RSU1: variants seen among roughly 807,000 people sequenced by gnomAD.
RSU1 encodes the protein rsu-1.
In RSU1, 26 loss-of-function variants were observed where a neutral mutation model predicts 31.1. The observed-to-expected ratio is 0.84, with a 90% confidence interval of 0.61 to 1.16. RSU1 has a LOEUF of 1.16. RSU1 is among the 50% of genes most tolerant of loss of function. The probability of loss-of-function intolerance (pLI) is 0.00; values close to 1 mark genes in which losing one functional copy is unlikely to be tolerated. For missense variants in RSU1, 320 were observed against 339.1 expected (o/e 0.94, Z 0.44); for synonymous variants, 164 against 136.3 (o/e 1.20, Z -1.41).
chr10:16,693,593 G>T (rs1000088114), intron 8 of RSU1, among the ~76,000 whole-genome samples: 6 of 152,178 alleles, frequency 3.9e-5, no homozygotes, highest in African/African-American at 9.7e-5. Context: ...GCTGGGCATG[G>T]TGGCTCATGA....
At chr10:16,782,182 C>T (rs941915943) in intron 2 of RSU1, 98 bp from the exon 3 acceptor site, 1 of 932,712 alleles carries the variant, frequency 1.1e-6, no homozygotes, top group African/African-American at 1.6e-5. Flanking sequence ...AAGTTATTTT[C>T]ACAGGTTGAA....
At chr10:16,603,194 T>C (rs1833742202) in intron 8 of RSU1, among the ~76,000 whole-genome samples, 1 of 152,144 alleles carries the variant, frequency 6.6e-6, no homozygotes, top group African/African-American at 2.4e-5. Context: ...ACAAATGGCA[T>C]CTATATAAAC....
chr10:16,644,106 G>C (rs577082911), intron 8 of RSU1, among the ~76,000 whole-genome samples: 2 of 145,450 alleles, frequency 1.4e-5, no homozygotes, highest in African/African-American at 2.7e-5. Flanking sequence ...AGAGGGTGGT[G>C]GGGGGGGGTC....
At chr10:16,732,683 T>C (rs1836538958) in intron 7 of RSU1, among the ~76,000 whole-genome samples, 1 of 152,206 alleles carries the variant, frequency 6.6e-6, no homozygotes, top group Admixed American at 6.5e-5. Flanking sequence ...CAAGCCATGA[T>C]GATTTCTGCC....
intron 8 of RSU1, among the ~76,000 whole-genome samples, chr10:16,611,120 T>C (rs921139960): frequency 6.6e-6 from 1 of 152,154 alleles, no homozygotes; most frequent in Non-Finnish European, 1.5e-5. Flanking sequence ...CATGAGGCCC[T>C]CCCTGGGGGC....
intron 2 of RSU1, among the ~76,000 whole-genome samples, chr10:16,807,215 G>A (rs1278657125): frequency 6.6e-6 from 1 of 152,216 alleles, no homozygotes; most frequent in East Asian, 1.9e-4. Flanking sequence ...CTCCTTGCAA[G>A]TAATTGCTTG....
chr10:16,698,885 G>A (rs1223542246), intron 7 of RSU1, among the ~76,000 whole-genome samples: 1 of 152,214 alleles, frequency 6.6e-6, no homozygotes, highest in Non-Finnish European at 1.5e-5. Context: ...GGAGGGTACA[G>A]ATGACTGGGT....
intron 7 of RSU1, among the ~76,000 whole-genome samples, chr10:16,739,220 T>C (rs1836700833): frequency 6.6e-6 from 1 of 152,182 alleles, no homozygotes; most frequent in South Asian, 2.1e-4. Flanking sequence ...CCTTTGGGTA[T>C]ATACCCAGTA....
chr10:16,670,217 G>A (rs767227966), intron 8 of RSU1, among the ~76,000 whole-genome samples: 3 of 152,176 alleles, frequency 2.0e-5, no homozygotes, highest in Admixed American at 6.5e-5. Flanking sequence ...AGAAGAAAGC[G>A]CAGGGGCTAG....
intron 6 of RSU1, 57 bp from the exon 7 acceptor site, chr10:16,752,710 A>C (rs1837004200): frequency 2.3e-6 from 3 of 1,316,798 alleles, no homozygotes; most frequent in Non-Finnish European, 3.3e-6. Context: ...TGCTCCACAG[A>C]AACTCTCATC....
At chr10:16,659,899 G>C (rs1167785703) in intron 8 of RSU1, among the ~76,000 whole-genome samples, 1 of 152,192 alleles carries the variant, frequency 6.6e-6, no homozygotes, top group African/African-American at 2.4e-5. Context: ...AACTGTATCA[G>C]AGGATTCCAA....
intron 7 of RSU1, among the ~76,000 whole-genome samples, chr10:16,730,038 G>C (rs925331088): frequency 2.0e-5 from 3 of 152,340 alleles, no homozygotes; most frequent in African/African-American, 7.2e-5. Context: ...TCTGCTTCTT[G>C]TGAGGGCTTC....
intron 7 of RSU1, among the ~76,000 whole-genome samples, chr10:16,695,753 G>C (rs1835661960): frequency 6.6e-6 from 1 of 152,176 alleles, no homozygotes; most frequent in African/African-American, 2.4e-5. Context: ...TGGAAGGTCA[G>C]ATACTAATAT....
At chr10:16,631,249 T>C (rs755502258) in intron 8 of RSU1, among the ~76,000 whole-genome samples, 26 of 152,092 alleles carry the variant, frequency 1.7e-4, no homozygotes, top group Admixed American at 1.2e-3. Flanking sequence ...ATGTCATCAA[T>C]TGGGGGGACG....
intron 2 of RSU1, among the ~76,000 whole-genome samples, chr10:16,799,598 G>T (rs1390291321): frequency 6.6e-6 from 1 of 151,588 alleles, no homozygotes; most frequent in African/African-American, 2.4e-5. Flanking sequence ...ACCTCTAAGA[G>T]CCCTACCAGG....
intron 8 of RSU1, among the ~76,000 whole-genome samples, chr10:16,636,331 C>T (rs1438424763): frequency 1.3e-5 from 2 of 152,114 alleles, no homozygotes; most frequent in Non-Finnish European, 2.9e-5. Flanking sequence ...TTCTTCAAGT[C>T]GCTCAGCTAA....
chr10:16,815,210 T>C (rs141147563), intron 2 of RSU1, among the ~76,000 whole-genome samples: 1 of 152,232 alleles, frequency 6.6e-6, no homozygotes, highest in African/African-American at 2.4e-5. Context: ...CCTTACGGAA[T>C]GCAAGAGACC....
intron 8 of RSU1, among the ~76,000 whole-genome samples, chr10:16,628,388 T>C (rs552485827): frequency 1.3e-5 from 2 of 152,346 alleles, no homozygotes; most frequent in South Asian, 2.1e-4. Flanking sequence ...CACTTCTCAG[T>C]AGATTCGATT....
chr10:16,722,972 GTATA>G (rs1393204899), intron 7 of RSU1: 1 of 137,706 alleles, frequency 7.3e-6, no homozygotes. Context: ...ATACATATAT[GTATA>G]TATACACACA....
Sources: allele counts gnomAD v4.1 joint callset (sites outside exome capture counted in the v4.1 genomes callset), GRCh38; gene constraint gnomAD v4.1.1; transcripts MANE v1.5; gene names NCBI Gene and HGNC (gene_info 2026-07-23, HGNC 2026-07-21).